Variants in MCC observed in about 807,000 individuals in gnomAD.
The protein encoded by MCC is MCC regulator of Wnt signaling pathway.
A neutral mutation model predicts 116.2 loss-of-function variants in MCC; 90 were observed. That is an observed-to-expected ratio of 0.77 (90% CI 0.65 to 0.92). MCC has a LOEUF of 0.92. MCC is among the 40% of genes least tolerant of loss of function. MCC has a pLI of 0.00. For synonymous variants in MCC, 578 were observed against 510.5 expected (o/e 1.13, Z -1.78); for missense variants, 1,516 against 1,312.2 (o/e 1.16, Z -2.40).
Position 113,024,920 on chromosome 5 carries a change from T to C in MCC, c.*2382A>G, listed in dbSNP as rs1561722943. 2.6e-5 allele frequency: 4 copies of C among 152,174 alleles called. No homozygotes were observed. The highest frequency in any genetic ancestry group is 2.0e-4 in the Admixed American group (3 of 15,286). The allele number at this position is 152,174 out of a possible 1,614,324, so 9.4% of individuals were successfully genotyped here. A position where few individuals can be genotyped will look rare whatever the true frequency, so the allele number is the denominator to read the frequency against. ...ATTAACACTTTTGCCTGCAAAATAGTTTTTACCCAAATCACATTTGAAAGT... is the reference window on the plus strand; with the variant it reads ...ATTAACACTTTTGCCTGCAAAATAGCTTTTACCCAAATCACATTTGAAAGT... On this transcript the variant is annotated 3_prime_UTR_variant, in exon 19 of 19. Transcript: ENST00000408903.
rs1344804145 is a variant in MCC, at chr5:113,085,088, A to G, written c.1545+76T>C. On this transcript the variant is annotated intron_variant, in intron 9 of 18. Transcript: ENST00000408903. ...GTCTCAGCTAAGGGCATGCCTGTACAGTGGCTAGGATGAGCCTGGTGCTTC... is the reference window on the plus strand; with the variant it reads ...GTCTCAGCTAAGGGCATGCCTGTACGGTGGCTAGGATGAGCCTGGTGCTTC... 4 of 1,599,988 alleles carry G rather than the reference A, an allele frequency of 2.5e-6. No homozygotes were observed. In the East Asian group the frequency reaches 6.7e-5, roughly 27 times the overall value.
Position 113,085,063 on chromosome 5 carries a change from G to T in MCC, c.1545+101C>A, listed in dbSNP as rs886169177. ...GGTCCCAGGGGAAGCCCCTTGTGCTGTCTCAGCTAAGGGCATGCCTGTACA... is the reference window on the plus strand; with the variant it reads ...GGTCCCAGGGGAAGCCCCTTGTGCTTTCTCAGCTAAGGGCATGCCTGTACA... On this transcript the variant is annotated intron_variant, in intron 9 of 18. Coordinates refer to ENST00000408903, the MANE Select transcript of MCC (RefSeq NM_001085377.2). 8.5e-6 allele frequency: 13 copies of T among 1,523,814 alleles called. No individual in the cohort carries two copies. The African/African-American group carries it at 1.8e-4, about 21-fold the overall frequency. The allele number at this position is 1,523,814 out of a possible 1,614,324, so 94.4% of individuals were successfully genotyped here. A position where few individuals can be genotyped will look rare whatever the true frequency, so the allele number is the denominator to read the frequency against.
chr5:113,187,460 G>C (rs1761948398), intron 3 of MCC, among the ~76,000 whole-genome samples: 1 of 152,050 alleles, frequency 6.6e-6, no homozygotes, highest in Non-Finnish European at 1.5e-5. Context: ...CAACTCACTG[G>C]GTTGTTCTGA....
intron 3 of MCC, among the ~76,000 whole-genome samples, chr5:113,303,874 C>T (rs867759573): frequency 5.3e-5 from 8 of 152,040 alleles, no homozygotes; most frequent in Admixed American, 2.6e-4. Flanking sequence ...AGGCTGGTCT[C>T]GAACTCCTGA....
intron 3 of MCC, among the ~76,000 whole-genome samples, chr5:113,172,507 C>T (rs1380267014): frequency 6.6e-6 from 1 of 151,854 alleles, no homozygotes; most frequent in Non-Finnish European, 1.5e-5. Context: ...CCTCGTTTGA[C>T]TAAAAAGGCT....
At chr5:113,190,482 T>C (rs2150313454) in intron 3 of MCC, among the ~76,000 whole-genome samples, 1 of 152,204 alleles carries the variant, frequency 6.6e-6, no homozygotes, top group East Asian at 1.9e-4. Context: ...GAGCTTAAAA[T>C]ACCAAGGAGA....
intron 4 of MCC, among the ~76,000 whole-genome samples, chr5:113,147,153 A>G (rs970483321): frequency 5.9e-5 from 9 of 152,246 alleles, no homozygotes; most frequent in African/African-American, 2.2e-4. Context: ...AAACATGCAT[A>G]TAAATACTTG....
chr5:113,090,050 C>T (rs1055519355), intron 8 of MCC, among the ~76,000 whole-genome samples: 1 of 152,112 alleles, frequency 6.6e-6, no homozygotes, highest in Admixed American at 6.6e-5. Flanking sequence ...GCAATTAGAA[C>T]TGGATAGATA....
chr5:113,241,114 C>T (rs923730080), intron 3 of MCC, among the ~76,000 whole-genome samples: 2 of 152,170 alleles, frequency 1.3e-5, no homozygotes, highest in African/African-American at 4.8e-5. Context: ...TAATAATAAG[C>T]TCTGAGCTAT....
At chr5:113,124,083 C>T (rs1468061922) in intron 5 of MCC, among the ~76,000 whole-genome samples, 1 of 152,134 alleles carries the variant, frequency 6.6e-6, no homozygotes, top group Non-Finnish European at 1.5e-5. Context: ...TGAGCCCGTG[C>T]TTTATAAGGT....
intron 3 of MCC, among the ~76,000 whole-genome samples, chr5:113,207,498 C>A (rs928787864): frequency 6.6e-6 from 1 of 152,090 alleles, no homozygotes; most frequent in Non-Finnish European, 1.5e-5. Context: ...TCTGGAAGAA[C>A]TGAATCTTAG....
At chr5:113,296,672 C>T (rs1272367715) in intron 3 of MCC, among the ~76,000 whole-genome samples, 1 of 151,990 alleles carries the variant, frequency 6.6e-6, no homozygotes, top group African/African-American at 2.4e-5. Context: ...GTTTTAAGTG[C>T]CATGTTAAAA....
intron 6 of MCC, among the ~76,000 whole-genome samples, chr5:113,107,311 G>A (rs753840013): frequency 3.3e-5 from 5 of 149,626 alleles, no homozygotes; most frequent in East Asian, 2.0e-4. Flanking sequence ...TCCACCTCCC[G>A]GGTTCAAGTG....
intron 2 of MCC, among the ~76,000 whole-genome samples, chr5:113,384,274 G>A (rs1184040279): frequency 1.3e-5 from 2 of 152,186 alleles, no homozygotes; most frequent in African/African-American, 2.4e-5. Context: ...TATAGAAAAC[G>A]ATTTTAATCT....
At chr5:113,455,391 C>T (rs777158940) in intron 1 of MCC, among the ~76,000 whole-genome samples, 1 of 152,114 alleles carries the variant, frequency 6.6e-6, no homozygotes, top group African/African-American at 2.4e-5. Context: ...ACCATCACCA[C>T]CACCACCCCA....
rs1290786566 is a variant in MCC, at chr5:113,434,506, C to T, written c.171-49294G>A. 1.2e-5 allele frequency: 19 copies of T among 1,612,826 alleles called. No individual in the cohort carries two copies. Among genetic ancestry groups the T allele is most frequent in the East Asian group, 4.5e-5 (2 of 44,840 alleles). On this transcript the variant is annotated intron_variant, in intron 1 of 18. Coordinates refer to ENST00000408903, the MANE Select transcript of MCC (RefSeq NM_001085377.2). This position sits in a 1 kb window ranked among gnomAD's most constrained non-coding sequence, Gnocchi z 4.2. ...AGCTGGTGGAACTTCTTGCGAGCTTCGTCCTCATGCAGGGCTCCCCGGGTT... is the reference window on the plus strand; with the variant it reads ...AGCTGGTGGAACTTCTTGCGAGCTTTGTCCTCATGCAGGGCTCCCCGGGTT...
At chr5:113,076,710 A>C (rs946157905) in intron 11 of MCC, among the ~76,000 whole-genome samples, 2 of 152,242 alleles carry the variant, frequency 1.3e-5, no homozygotes, top group African/African-American at 2.4e-5. Flanking sequence ...AAAACATGCC[A>C]AATTGTAAAG....
intron 17 of MCC, among the ~76,000 whole-genome samples, chr5:113,038,725 A>C (rs972492335): frequency 6.6e-6 from 1 of 152,038 alleles, no homozygotes; most frequent in Non-Finnish European, 1.5e-5. Context: ...CCCTCCTGCC[A>C]CTGGATATAT....
chr5:113,159,737 A>G (rs535603538), intron 3 of MCC, among the ~76,000 whole-genome samples: 1 of 152,330 alleles, frequency 6.6e-6, no homozygotes, highest in Admixed American at 6.5e-5. Flanking sequence ...TCCCTGCTAG[A>G]TGGATACCAT....
Sources: allele counts gnomAD v4.1 joint callset (sites outside exome capture counted in the v4.1 genomes callset), GRCh38; gene constraint gnomAD v4.1.1; non-coding constraint Gnocchi (gnomAD v3.1); transcripts MANE v1.5; gene names NCBI Gene and HGNC (gene_info 2026-07-23, HGNC 2026-07-21).